TRAP1: variants seen among roughly 807,000 people sequenced by gnomAD.
TRAP1 encodes the protein heat shock protein 75 kDa, mitochondrial.
A neutral mutation model predicts 89.1 loss-of-function variants in TRAP1; 102 were observed. That is an observed-to-expected ratio of 1.15 (90% CI 0.98 to 1.35). The LOEUF is 1.35. TRAP1 is among the 40% of genes most tolerant of loss of function. The probability of loss-of-function intolerance (pLI) is 0.00; values close to 1 mark genes in which losing one functional copy is unlikely to be tolerated. For missense variants in TRAP1, 1,256 were observed against 945.3 expected (o/e 1.33, Z -4.31); for synonymous variants, 508 against 388.0 (o/e 1.31, Z -3.64).
intron 1 of TRAP1, among the ~76,000 whole-genome samples, chr16:3,713,435 C>A (rs967083811): frequency 5.9e-5 from 9 of 152,172 alleles, no homozygotes; most frequent in Admixed American, 1.3e-4. Context: ...CTCTCCCGAC[C>A]TTCCTGGTGC....
intron 15 of TRAP1, 68 bp from the exon 16 acceptor site, chr16:3,662,200 C>T: frequency 1.9e-6 from 3 of 1,558,864 alleles, no homozygotes; most frequent in Non-Finnish European, 2.6e-6. Context: ...AGGATCTTAC[C>T]AGGGGTGAAG....
intron 6 of TRAP1, chr16:3,677,059 GAA>G (rs80038367): frequency 3.1e-3 from 272 of 87,320 alleles, no homozygotes; most frequent in South Asian, 9.5e-3. Context: ...CGTCCCAAAG[GAA>G]AAAAAAAAAA....
At chr16:3,687,552 G>C (rs551339127) in intron 3 of TRAP1, among the ~76,000 whole-genome samples, 25 of 152,272 alleles carry the variant, frequency 1.6e-4, no homozygotes, top group African/African-American at 5.5e-4. Context: ...CTCAGGAGCT[G>C]AAAAGCACAC....
At chr16:3,674,676 A>G (rs1259649889) in intron 8 of TRAP1, 182 bp from the exon 9 acceptor site, 2 of 690,132 alleles carry the variant, frequency 2.9e-6, no homozygotes, top group Non-Finnish European at 4.7e-6. Flanking sequence ...AGTGCAGGGG[A>G]GACACACAAG....
At chr16:3,661,069 A>G (rs1157272474) in intron 16 of TRAP1, 1 of 152,176 alleles carries the variant, frequency 6.6e-6, no homozygotes, top group African/African-American at 2.4e-5. Context: ...ATTTCCCCCA[A>G]AAAAGAAACT....
chr16:3,701,015 C>A (rs1233106691), intron 1 of TRAP1, among the ~76,000 whole-genome samples: 1 of 152,118 alleles, frequency 6.6e-6, no homozygotes, highest in African/African-American at 2.4e-5. Flanking sequence ...CAAGGATTGT[C>A]AGAATTGGTA....
intron 1 of TRAP1, among the ~76,000 whole-genome samples, chr16:3,709,856 G>C (rs1186408810): frequency 6.6e-6 from 1 of 152,146 alleles, no homozygotes; most frequent in Non-Finnish European, 1.5e-5. Flanking sequence ...CTCCATGTTG[G>C]TCAGGCTGGT....
intron 3 of TRAP1, among the ~76,000 whole-genome samples, chr16:3,686,742 A>G (rs1165722513): frequency 6.6e-6 from 1 of 152,174 alleles, no homozygotes; most frequent in Non-Finnish European, 1.5e-5. Flanking sequence ...AGGCTGAAGC[A>G]GGTGGATCAC....
intron 1 of TRAP1, among the ~76,000 whole-genome samples, chr16:3,698,346 CTG>C: frequency 6.7e-6 from 1 of 149,238 alleles, no homozygotes; most frequent in East Asian, 2.0e-4. Flanking sequence ...GAGTCTCACT[CTG>C]TTGCCCAGGC....
At chr16:3,664,558 G>A in intron 12 of TRAP1, 99 bp from the exon 13 acceptor site, 1 of 1,322,482 alleles carries the variant, frequency 7.6e-7, no homozygotes. Context: ...TGGCCTCCTG[G>A]CACTCCAGGC....
intron 2 of TRAP1, 42 bp from the exon 3 acceptor site, chr16:3,689,179 T>C (rs2051178512): frequency 6.4e-7 from 1 of 1,551,438 alleles, no homozygotes; most frequent in African/African-American, 1.4e-5. Context: ...GTTTAACTTC[T>C]ATTTTTGTGC....
At chr16:3,700,174 CT>C (rs917683044) in intron 1 of TRAP1, among the ~76,000 whole-genome samples, 6 of 148,908 alleles carry the variant, frequency 4.0e-5, no homozygotes, top group African/African-American at 7.4e-5. Flanking sequence ...TCTTTACAAA[CT>C]TTTTTTTTTG....
chr16:3,681,987 C>T (rs541961669), intron 4 of TRAP1, among the ~76,000 whole-genome samples: 9 of 152,124 alleles, frequency 5.9e-5, no homozygotes, highest in South Asian at 2.1e-4. Context: ...TAAGACAGTG[C>T]GATGTGGGCA....
intron 1 of TRAP1, among the ~76,000 whole-genome samples, chr16:3,706,294 G>A (rs898361943): frequency 2.6e-5 from 4 of 151,768 alleles, no homozygotes; most frequent in Non-Finnish European, 5.9e-5. Flanking sequence ...TTTGGGGTGG[G>A]GTGGGGGTCT....
chr16:3,714,933 A>C (rs2051577973), intron 1 of TRAP1, among the ~76,000 whole-genome samples: 1 of 152,226 alleles, frequency 6.6e-6, no homozygotes, highest in Non-Finnish European at 1.5e-5. Context: ...CCTGTTGCAC[A>C]AGACATGTAT....
At chr16:3,682,953 G>C (rs534394633) in intron 4 of TRAP1, among the ~76,000 whole-genome samples, 1 of 151,766 alleles carries the variant, frequency 6.6e-6, no homozygotes, top group South Asian at 2.1e-4. Flanking sequence ...CAGATCACAC[G>C]AGGCCGGGAG....
In TRAP1 at chr16:3,679,692, G is replaced by A. The variant is rs372154780; in HGVS notation, c.543+27C>T. ...ATCCTTGCACCCTGAGGGGAAGGGG[G>A]AGGCTGTGTGGGGGCCCCACGCTTA... On this transcript the variant is annotated intron_variant, in intron 5 of 17. Coordinates refer to ENST00000246957, the MANE Select transcript of TRAP1 (RefSeq NM_016292.3). The A allele has an allele frequency of 9.3e-6, 15 of 1,613,364 alleles. No homozygotes were observed. In the East Asian group the frequency reaches 1.3e-4, roughly 14 times the overall value.
chr16:3,695,206 A>G (rs765994152), intron 1 of TRAP1, among the ~76,000 whole-genome samples: 11 of 152,150 alleles, frequency 7.2e-5, no homozygotes, highest in Non-Finnish European at 1.3e-4. Flanking sequence ...TGGGACTTCA[A>G]CATCTTTCGT....
intron 4 of TRAP1, among the ~76,000 whole-genome samples, chr16:3,682,387 CAA>C (rs569995327): frequency 3.3e-4 from 26 of 78,318 alleles, no homozygotes; most frequent in Admixed American, 5.3e-4. Context: ...CCTGCCTCTA[CAA>C]AAAAAAAAAA....
Sources: allele counts gnomAD v4.1 joint callset (sites outside exome capture counted in the v4.1 genomes callset), GRCh38; gene constraint gnomAD v4.1.1; transcripts MANE v1.5; gene names NCBI Gene and HGNC (gene_info 2026-07-23, HGNC 2026-07-21).